SCGB2A1: variants seen among roughly 807,000 people sequenced by gnomAD.
SCGB2A1 encodes mammaglobin-B.
SCGB2A1 carries 6 observed loss-of-function variants against 9.2 expected under a neutral mutation model. The ratio of observed to expected loss-of-function variants is 0.66; its 90% CI spans 0.36 to 1.29. The LOEUF is 1.29. SCGB2A1 is among the 50% of genes most tolerant of loss of function. The pLI is 0.03. For synonymous variants in SCGB2A1, 37 were observed against 41.0 expected (o/e 0.90, Z 0.37); for missense variants, 138 against 116.9 (o/e 1.18, Z -0.83).
intron 1 of SCGB2A1, among the ~76,000 whole-genome samples, chr11:62,209,439 T>A (rs1384916923): frequency 6.6e-6 from 1 of 152,148 alleles, no homozygotes; most frequent in Non-Finnish European, 1.5e-5. Context: ...AAAGGTGGAT[T>A]CCAAACCCTA....
Position 62,209,559 on chromosome 11 carries a change from G to A in SCGB2A1, c.55+773G>A, listed in dbSNP as rs572361096. 9.9e-5 allele frequency among the ~76,000 whole-genome samples: 15 copies of A among 152,098 alleles called. No homozygotes were observed. In the East Asian group the frequency reaches 1.6e-3, roughly 16 times the overall value. On this transcript the variant is annotated intron_variant, in intron 1 of 2. Coordinates refer to ENST00000244930, the MANE Select transcript of SCGB2A1 (RefSeq NM_002407.3). ...GCACAACCAGCTCACATGAAGCCAC[G>A]TCCTGAGCTCGTTCCTCTCCCTTAC...
In SCGB2A1 at chr11:62,212,927, CAT is replaced by C. The variant is rs759814851; in HGVS notation, c.244-793_244-792del. 4.1e-3 allele frequency among the ~76,000 whole-genome samples: 590 copies of C among 144,538 alleles called. 13 individuals are homozygous for C. The highest frequency in any genetic ancestry group is 0.012 in the African/African-American group (466 of 40,128). 94.8% of individuals were successfully genotyped at this position (144,538 alleles called of 152,430 possible). ...ATATATACATATATATACACACACA[CAT>C]ATATACACACATATGTACACACATA... On this transcript the variant is annotated intron_variant, in intron 2 of 2. Coordinates refer to ENST00000244930, the MANE Select transcript of SCGB2A1 (RefSeq NM_002407.3).
chr11:62,210,711 T>TA, intron 2 of SCGB2A1, 111 bp downstream of exon 2: 1 of 753,572 alleles, frequency 1.3e-6, no homozygotes, highest in Non-Finnish European at 2.0e-6. Flanking sequence ...TTTCTTTATA[T>TA]ATCAATTCAT....
Position 62,210,498 on chromosome 11 carries a change from A to G in SCGB2A1, c.141A>G (p.Gln47=). 6.3e-7 allele frequency: 1 copy of G among 1,598,398 alleles called. No individual in the cohort carries two copies. The highest frequency in any genetic ancestry group is 8.5e-7 in the Non-Finnish European group (1 of 1,174,646). Residue 47 remains glutamine, a synonymous_variant, in exon 2 of 3, where the codon CAA becomes CAG. Coordinates refer to ENST00000244930, the MANE Select transcript of SCGB2A1 (RefSeq NM_002407.3). ...ISIPEYKELL[Q]EFIDSDAAAE... is the part of the protein sequence containing the mutation. Reference sequence around the variant, plus strand: ...TACCTGAATACAAAGAGCTTCTTCAAGAGTTCATAGACAGTGATGCCGCTG... The same window carrying G: ...TACCTGAATACAAAGAGCTTCTTCAGGAGTTCATAGACAGTGATGCCGCTG...
At chr11:62,209,162 G>A (rs531572847) in intron 1 of SCGB2A1, among the ~76,000 whole-genome samples, 1 of 152,260 alleles carries the variant, frequency 6.6e-6, no homozygotes, top group African/African-American at 2.4e-5. Flanking sequence ...GAACGAAATA[G>A]GAAACCTCCC....
chr11:62,213,116 T>TTTTTGTAGAGATGGCATTTTG (rs1590656027), intron 2 of SCGB2A1, among the ~76,000 whole-genome samples: 1 of 123,924 alleles, frequency 8.1e-6, no homozygotes, highest in Non-Finnish European at 1.8e-5. Flanking sequence ...ATTTTTTTTT[T>TTTTTGTAGAGATGGCATTTTG]TGTAGAGATG....
At chr11:62,213,252 T>C (rs1349318196) in intron 2 of SCGB2A1, among the ~76,000 whole-genome samples, 3 of 151,960 alleles carry the variant, frequency 2.0e-5, no homozygotes, top group South Asian at 2.1e-4. Context: ...CAATATTTCA[T>C]AGGCCTCAAA....
intron 2 of SCGB2A1, 179 bp from the exon 3 acceptor site, chr11:62,213,547 A>G: frequency 1.7e-6 from 1 of 576,952 alleles, no homozygotes; most frequent in Non-Finnish European, 3.0e-6. Flanking sequence ...GTTTGGCATT[A>G]TGAAGTGTCT....
rs140071380 is a variant in SCGB2A1, at chr11:62,208,917, A to G, written c.55+131A>G. 281 of 798,242 alleles carry G rather than the reference A, an allele frequency of 3.5e-4. 2 individuals carry two copies. In the East Asian group the frequency reaches 7.5e-3, roughly 21 times the overall value. The allele number at this position is 798,242 out of a possible 1,614,324, so 49.4% of individuals were successfully genotyped here. ...GAAGGGCCTGGGTGCGATAGGCCTT[A>G]GGATCCCCATGAGTTCCTGACAATC... On this transcript the variant is annotated intron_variant, in intron 1 of 2. Coordinates refer to ENST00000244930, the MANE Select transcript of SCGB2A1 (RefSeq NM_002407.3).
chr11:62,213,106 A>ATATTTTTTTTT lies in SCGB2A1; in HGVS notation c.244-619_244-618insATTTTTTTTTT, dbSNP rs67975205. ...CATATATACACATATATATATATAT[A>ATATTTTTTTTT]TTTTTTTTTTTGTAGAGATGGCATT... On this transcript the variant is annotated intron_variant, in intron 2 of 2. Coordinates refer to ENST00000244930, the MANE Select transcript of SCGB2A1 (RefSeq NM_002407.3). Among the ~76,000 whole-genome samples, 34 of 116,252 alleles carry ATATTTTTTTTT rather than the reference A, an allele frequency of 2.9e-4. 1 individual carries two copies. The highest frequency in any genetic ancestry group is 7.9e-4 in the South Asian group (3 of 3,794). The allele number at this position is 116,252 out of a possible 152,430, so 76.3% of individuals were successfully genotyped here.
intron 2 of SCGB2A1, 97 bp from the exon 3 acceptor site, chr11:62,213,629 G>A (rs1475301792): frequency 8.2e-7 from 1 of 1,212,786 alleles, no homozygotes; most frequent in Non-Finnish European, 1.2e-6. Flanking sequence ...AGAGTTAGCT[G>A]TTTGTGGACA....
In SCGB2A1 at chr11:62,213,017, T is replaced by C. The variant is rs1427932025; in HGVS notation, c.244-709T>C. ...GCATATATGTACACATATATGCACA[T>C]ATATACATATATACACACATATATA... On this transcript the variant is annotated intron_variant, in intron 2 of 2. Transcript: ENST00000244930. Among the ~76,000 whole-genome samples, 91 of 138,362 alleles carry C rather than the reference T, an allele frequency of 6.6e-4. 1 individual carries two copies. Among genetic ancestry groups the C allele is most frequent in the African/African-American group, 2.6e-3 (89 of 33,956 alleles). 90.8% of individuals were successfully genotyped at this position (138,362 alleles called of 152,430 possible).
chr11:62,213,658 G>A, intron 2 of SCGB2A1, 68 bp from the exon 3 acceptor site: 2 of 1,473,094 alleles, frequency 1.4e-6, no homozygotes, highest in Non-Finnish European at 9.4e-7. Context: ...AAAACAAGAA[G>A]ACAAGTTTTA....
chr11:62,213,822 T>C lies in SCGB2A1; in HGVS notation c.*52T>C. On this transcript the variant is annotated 3_prime_UTR_variant, in exon 3 of 3. Coordinates refer to ENST00000244930, the MANE Select transcript of SCGB2A1 (RefSeq NM_002407.3). ...GGCTACAGACTATGGCCAGAACTCA[T>C]CTGTTGATTGCTAGAAACCACTTTT... is the stretch of plus-strand genomic sequence containing the variant. 2 of 1,486,384 alleles carry C rather than the reference T, an allele frequency of 1.3e-6. No homozygotes were observed. The highest frequency in any genetic ancestry group is 2.3e-5 in the East Asian group (1 of 43,976). 92.1% of individuals were successfully genotyped at this position (1,486,384 alleles called of 1,614,324 possible).
chr11:62,210,948 A>T (rs1944825517), intron 2 of SCGB2A1, among the ~76,000 whole-genome samples: 3 of 139,104 alleles, frequency 2.2e-5, no homozygotes, highest in African/African-American at 8.2e-5. Flanking sequence ...TTTGAGACGG[A>T]GTTTCGCTCT....
Position 62,213,721 on chromosome 11 carries a change from T to C in SCGB2A1, c.244-5T>C, listed in dbSNP as rs1406264523. The stretch of plus-strand genomic sequence containing the variant: ...AAACCTAAGTGACCTGCTTTTGTTT[T>C]CCAGCATACAGTGTACGACAGCATT... On this transcript the variant is annotated splice_polypyrimidine_tract_variant and splice_region_variant and intron_variant, in intron 2 of 2. Transcript: ENST00000244930. 1.2e-6 allele frequency: 2 copies of C among 1,608,614 alleles called. No individual in the cohort carries two copies. The highest frequency in any genetic ancestry group is 4.5e-5 in the East Asian group (2 of 44,824).
In SCGB2A1 at chr11:62,213,106, A is replaced by ATATATATATTTTTT. The variant is rs67975205; in HGVS notation, c.244-619_244-618insATATATATTTTTTT. Reference sequence around the variant, plus strand: ...CATATATACACATATATATATATATATTTTTTTTTTTGTAGAGATGGCATT... The same window carrying ATATATATATTTTTT: ...CATATATACACATATATATATATATATATATATATTTTTTTTTTTTTTTTTGTAGAGATGGCATT... On this transcript the variant is annotated intron_variant, in intron 2 of 2. Transcript: ENST00000244930. 3.6e-4 allele frequency among the ~76,000 whole-genome samples: 42 copies of ATATATATATTTTTT among 116,232 alleles called. 1 individual carries two copies. Among genetic ancestry groups the ATATATATATTTTTT allele is most frequent in the Middle Eastern group, 4.7e-3 (1 of 212 alleles). The allele number at this position is 116,232 out of a possible 152,430, so 76.3% of individuals were successfully genotyped here. A position where few individuals can be genotyped will look rare whatever the true frequency, so the allele number is the denominator to read the frequency against.
rs750764547 is a variant in SCGB2A1 at position 62,213,738 on chromosome 11, G to T, written c.256G>T (p.Asp86Tyr). ...TTTTGTTTTCCAGCATACAGTGTAC[G>T]ACAGCATTTGGTGTAATATGAAGAG... Reference protein sequence around the residue: ...NFGLMMHTVYDSIWCNMKSN With the variant: ...NFGLMMHTVYYSIWCNMKSN The change falls in exon 3 of 3, where the codon GAC (aspartate) becomes TAC (tyrosine). Residue 86 changes from aspartate (D) to tyrosine (Y), a missense_variant. By Grantham distance (160) the Asp-to-Tyr change is radical. Coordinates refer to ENST00000244930, the MANE Select transcript of SCGB2A1 (RefSeq NM_002407.3). 1.2e-6 allele frequency: 2 copies of T among 1,613,754 alleles called. No individual in the cohort carries two copies. Among genetic ancestry groups the T allele is most frequent in the East Asian group, 2.2e-5 (1 of 44,894 alleles).
At position 62,210,408 on chromosome 11, in the gene SCGB2A1, T is replaced by C. The variant is rs76338825; in HGVS notation, c.56-5T>C. On this transcript the variant is annotated splice_region_variant and splice_polypyrimidine_tract_variant and intron_variant, in intron 1 of 2. Transcript: ENST00000244930. ...TGTCTTTTTTTTTTTTTTTTTTTTT[T>C]CCAGATTCTGGCTGCAAACTCCTGG... The C allele has an allele frequency of 3.9e-3, 5,593 of 1,448,892 alleles. 189 individuals carry two copies. In the African/African-American group the frequency reaches 0.074, roughly 19 times the overall value. The allele number at this position is 1,448,892 out of a possible 1,614,324, so 89.8% of individuals were successfully genotyped here.
Sources: allele counts gnomAD v4.1 joint callset (sites outside exome capture counted in the v4.1 genomes callset), GRCh38; gene constraint gnomAD v4.1.1; transcripts MANE v1.5; gene names NCBI Gene and HGNC (gene_info 2026-07-23, HGNC 2026-07-21).